Variants in NAALAD2 observed in about 807,000 individuals in gnomAD.
The protein encoded by NAALAD2 is N-acetylated-alpha-linked acidic dipeptidase 2.
Under a neutral mutation model 95.6 loss-of-function variants are expected in NAALAD2, and 89 were observed. The observed-to-expected ratio is 0.93, with a 90% CI of 0.78 to 1.11. The LOEUF (loss-of-function observed/expected upper bound fraction) is 1.11, where lower values mean the gene tolerates loss of function less well. Among genes scored for constraint, NAALAD2 ranks in the 50% least tolerant of loss-of-function variants. The pLI, the probability that NAALAD2 is intolerant of heterozygous loss-of-function variation, is 0.00. For missense variants in NAALAD2, 894 were observed against 872.4 expected (o/e 1.02, Z -0.31); for synonymous variants, 264 against 294.4 (o/e 0.90, Z 1.06).
chr11:90,173,805 A>G lies in NAALAD2; in HGVS notation c.1411-19A>G, dbSNP rs1471449228. The G allele has an allele frequency of 1.9e-6, 3 of 1,583,532 alleles. No individual in the cohort carries two copies. The highest frequency in any genetic ancestry group is 1.1e-5 in the South Asian group (1 of 87,180). On this transcript the variant is annotated intron_variant, in intron 13 of 18. Transcript: ENST00000534061. ...GTTGCTTCTACCCCTAATTTCCAGT[A>G]TTTGATTTCTCTTTCCAGATCCCCA...
In NAALAD2 at chr11:90,139,785, G is replaced by A. The variant is rs565434728; in HGVS notation, c.194+4115G>A. 4.0e-5 allele frequency among the ~76,000 whole-genome samples: 6 copies of A among 151,124 alleles called. No individual in the cohort carries two copies. The South Asian group carries it at 1.3e-3, about 32-fold the overall frequency. The stretch of plus-strand genomic sequence containing the variant: ...CTACATTTTCAATACAAGAAAAAAA[G>A]GTAATTTGCAAAAGAACAAAGTTTT... On this transcript the variant is annotated intron_variant, in intron 2 of 18. Transcript: ENST00000534061.
Position 90,191,669 on chromosome 11 carries a change from G to A in NAALAD2, c.2145G>A (p.Trp715Ter). ...IENKANSRLA[W>*]KEVKKHISIA... ...ATAAAGCCAACTCTCGTTTGGCCTGGAAAGAAGTAAAGAAACATATTTCTA... is the reference window on the plus strand; with the variant it reads ...ATAAAGCCAACTCTCGTTTGGCCTGAAAAGAAGTAAAGAAACATATTTCTA... The change falls in exon 19 of 19, where the codon TGG becomes TGA. Residue 715 changes from tryptophan (W) to a stop codon, truncating the protein, a stop_gained. Coordinates refer to ENST00000534061, the MANE Select transcript of NAALAD2 (RefSeq NM_005467.4). LOFTEE classifies it high-confidence loss of function. The A allele has an allele frequency of 6.2e-7, 1 of 1,602,496 alleles. No homozygotes were observed. The highest frequency in any genetic ancestry group is 8.5e-7 in the Non-Finnish European group (1 of 1,174,704).
intron 13 of NAALAD2, among the ~76,000 whole-genome samples, chr11:90,171,278 G>A (rs1191131346): frequency 6.6e-6 from 1 of 152,030 alleles, no homozygotes; most frequent in Non-Finnish European, 1.5e-5. Flanking sequence ...ACTTCTCTCT[G>A]GGTACTATTA....
intron 18 of NAALAD2, among the ~76,000 whole-genome samples, chr11:90,190,785 C>T (rs902381280): frequency 2.6e-5 from 4 of 151,666 alleles, no homozygotes; most frequent in Admixed American, 6.6e-5. Context: ...AATCATTAAT[C>T]ATTAATACTG....
chr11:90,133,622 A>T (rs7110033), upstream of NAALAD2, among the ~76,000 whole-genome samples: 3 of 151,896 alleles, frequency 2.0e-5, no homozygotes, highest in Admixed American at 2.0e-4. Context: ...AAGGAAGATG[A>T]GAATGTGTGT....
chr11:90,180,635 G>A lies in NAALAD2; in HGVS notation c.1859-985G>A, dbSNP rs368811199. Among the ~76,000 whole-genome samples the A allele has an allele frequency of 3.3e-5, 5 of 152,008 alleles. 1 individual carries two copies. Among genetic ancestry groups the A allele is most frequent in the East Asian group, 1.9e-4 (1 of 5,158 alleles). On this transcript the variant is annotated intron_variant, in intron 16 of 18. Transcript: ENST00000534061. ...AAATGAATATCGTATCTCCTGATTTGCTTGCACCACAGGATTGATGCAAGC... is the reference window on the plus strand; with the variant it reads ...AAATGAATATCGTATCTCCTGATTTACTTGCACCACAGGATTGATGCAAGC...
chr11:90,155,538 T>C lies in NAALAD2; in HGVS notation c.797-2607T>C, dbSNP rs866975311. Reference sequence around the variant, plus strand: ...ATAATTACATATTATATATGCTATATTATATATGATATATAATGTGTAATA... The same window carrying C: ...ATAATTACATATTATATATGCTATACTATATATGATATATAATGTGTAATA... On this transcript the variant is annotated intron_variant, in intron 6 of 18. Coordinates refer to ENST00000534061, the MANE Select transcript of NAALAD2 (RefSeq NM_005467.4). Among the ~76,000 whole-genome samples the C allele has an allele frequency of 7.8e-4, 87 of 111,680 alleles. 1 individual carries two copies. Among genetic ancestry groups the C allele is most frequent in the African/African-American group, 2.9e-3 (81 of 27,598 alleles). The allele number at this position is 111,680 out of a possible 152,430, so 73.3% of individuals were successfully genotyped here. A position where few individuals can be genotyped will look rare whatever the true frequency, so the allele number is the denominator to read the frequency against.
At chr11:90,165,900 A>G (rs1459154414) in intron 11 of NAALAD2, among the ~76,000 whole-genome samples, 1 of 152,196 alleles carries the variant, frequency 6.6e-6, no homozygotes, top group African/African-American at 2.4e-5. Flanking sequence ...TAAAATAATA[A>G]AAACGCTTTG....
rs1299882719 is a variant in NAALAD2, at chr11:90,147,310, A to G, written c.195-20A>G. On this transcript the variant is annotated intron_variant, in intron 2 of 18. Transcript: ENST00000534061. The stretch of plus-strand genomic sequence containing the variant: ...TGAGCATAGTCTTTAATGCCCTCTT[A>G]TGTTTTATTTTCATTTTAGTTCTTT... 3.8e-6 allele frequency: 6 copies of G among 1,595,160 alleles called. No homozygotes were observed. The highest frequency in any genetic ancestry group is 5.1e-6 in the Non-Finnish European group (6 of 1,165,576).
At chr11:90,165,155 A>C (rs970363778) in intron 11 of NAALAD2, among the ~76,000 whole-genome samples, 7 of 152,030 alleles carry the variant, frequency 4.6e-5, no homozygotes, top group Admixed American at 3.9e-4. Context: ...TAGTCTCATC[A>C]TTTTTTACGA....
intron 6 of NAALAD2, among the ~76,000 whole-genome samples, chr11:90,155,383 TACA>T (rs1432472302): frequency 1.1e-5 from 1 of 90,330 alleles, no homozygotes; most frequent in South Asian, 3.0e-4. Context: ...TTACATATTA[TACA>T]TGTAATATAT....
At chr11:90,134,864 C>T (rs769099679) in intron 1 of NAALAD2, 24 bp downstream of exon 1, 2 of 1,611,148 alleles carry the variant, frequency 1.2e-6, no homozygotes, top group Non-Finnish European at 1.7e-6. Flanking sequence ...ACACTCTACC[C>T]CGACTCCGGG....
At chr11:90,168,773 T>C (rs1025656748) in intron 11 of NAALAD2, among the ~76,000 whole-genome samples, 156 bp from the exon 12 acceptor site, 2 of 152,240 alleles carry the variant, frequency 1.3e-5, no homozygotes, top group Non-Finnish European at 2.9e-5. Context: ...ACTGGTTTTC[T>C]GCATTTTCTC....
At chr11:90,165,019 G>A (rs1173126796) in intron 11 of NAALAD2, among the ~76,000 whole-genome samples, 2 of 151,956 alleles carry the variant, frequency 1.3e-5, no homozygotes, top group Non-Finnish European at 2.9e-5. Context: ...CCCTCTATGT[G>A]TCCATGGGTT....
chr11:90,133,301 TG>T (rs1334930919), upstream of NAALAD2, among the ~76,000 whole-genome samples: 2 of 152,186 alleles, frequency 1.3e-5, no homozygotes, highest in Non-Finnish European at 2.9e-5. Flanking sequence ...TTCTCTGAGA[TG>T]AGATGGTTGG....
chr11:90,150,695 A>G, intron 5 of NAALAD2, 88 bp downstream of exon 5: 2 of 1,213,358 alleles, frequency 1.6e-6, no homozygotes, highest in Admixed American at 2.9e-5. Flanking sequence ...CTGTTTCCAA[A>G]TTGCTTTCAA....
rs751517010 is a variant in NAALAD2 at position 90,150,546 on chromosome 11, G to A, written c.548G>A (p.Gly183Asp). Residue 183 changes from glycine to aspartate, a missense_variant, in exon 5 of 19, where the codon GGC becomes GAC. Physicochemically the swap from Gly to Asp is moderately conservative, Grantham distance 94. Coordinates refer to ENST00000534061, the MANE Select transcript of NAALAD2 (RefSeq NM_005467.4). ...TTTTTCAAACTAGAAAGAGAGATGG[G>A]CATCAACTGTACTGGGAAGATTGTT... ...EDFFKLEREMGINCTGKIVIA... is the reference protein window; with the variant it reads ...EDFFKLEREMDINCTGKIVIA... 5.6e-6 allele frequency: 9 copies of A among 1,610,354 alleles called. No individual in the cohort carries two copies. The highest frequency in any genetic ancestry group is 7.6e-6 in the Non-Finnish European group (9 of 1,177,308).
In NAALAD2 at chr11:90,179,567, T is replaced by A. The variant is rs78203674; in HGVS notation, c.1858+1450T>A. The stretch of plus-strand genomic sequence containing the variant: ...AAAAATGAAGCAAATAAAATGTGTT[T>A]ATATCAATACAATTGGAGTATCTCT... On this transcript the variant is annotated intron_variant, in intron 16 of 18. Coordinates refer to ENST00000534061, the MANE Select transcript of NAALAD2 (RefSeq NM_005467.4). 4.9e-3 allele frequency among the ~76,000 whole-genome samples: 750 copies of A among 152,220 alleles called. 6 individuals carry two copies. The highest frequency in any genetic ancestry group is 0.017 in the African/African-American group (703 of 41,542).
At chr11:90,185,342 G>T (rs1302092033) in intron 18 of NAALAD2, among the ~76,000 whole-genome samples, 1 of 151,608 alleles carries the variant, frequency 6.6e-6, no homozygotes, top group Non-Finnish European at 1.5e-5. Context: ...AATAATGTAT[G>T]GGACCATACG....
Sources: gnomAD v4.1 joint callset for allele counts (sites outside exome capture counted in the v4.1 genomes callset) on GRCh38, gnomAD v4.1.1 for gene constraint, MANE v1.5 for transcripts, NCBI Gene and HGNC (gene_info 2026-07-23, HGNC 2026-07-21) for gene names.